Variants in IGSF21 observed in about 807,000 individuals in gnomAD.
IGSF21 encodes immunoglobulin superfamily member 21.
IGSF21 carries 28 observed loss-of-function variants against 46.8 expected under a neutral mutation model. That is an observed-to-expected ratio of 0.60 (90% confidence interval 0.44 to 0.82). IGSF21 has a LOEUF of 0.82. Ranked by LOEUF, IGSF21 falls within the 40% of genes least tolerant of loss-of-function variation. IGSF21 has a pLI of 0.00. For synonymous variants in IGSF21, 284 were observed against 273.6 expected (o/e 1.04, Z -0.38); for missense variants, 624 against 665.5 (o/e 0.94, Z 0.69).
intron 1 of IGSF21, among the ~76,000 whole-genome samples, chr1:18,190,212 C>A (rs2124475433): frequency 6.6e-6 from 1 of 152,358 alleles, no homozygotes; most frequent in Admixed American, 6.5e-5. Context: ...CTGGTCTCAG[C>A]TTCAGAGCTC....
At chr1:18,235,256 G>T (rs2084662318) in intron 2 of IGSF21, among the ~76,000 whole-genome samples, 2 of 152,210 alleles carry the variant, frequency 1.3e-5, no homozygotes, top group African/African-American at 2.4e-5. Context: ...GCTGTTCCAT[G>T]CACTCATCCA....
chr1:18,122,193 C>CTTTTTTTTTTTTTTTTT (rs766563472), intron 1 of IGSF21, among the ~76,000 whole-genome samples: 6 of 78,752 alleles, frequency 7.6e-5, no homozygotes, highest in Admixed American at 3.3e-4. Context: ...TTCTTTCTTT[C>CTTTTTTTTTTTTTTTTT]TTTTTTTTTT....
At chr1:18,263,906 T>C (rs940872746) in intron 2 of IGSF21, among the ~76,000 whole-genome samples, 2 of 152,200 alleles carry the variant, frequency 1.3e-5, no homozygotes, top group Non-Finnish European at 1.5e-5. Context: ...CTGATGCTGG[T>C]GCATTTAATA....
At chr1:18,310,111 T>C (rs56018129) in intron 3 of IGSF21, among the ~76,000 whole-genome samples, 1 of 152,136 alleles carries the variant, frequency 6.6e-6, no homozygotes, top group Non-Finnish European at 1.5e-5. Context: ...CCCAGCCTCA[T>C]GAAGGCTGAC....
intron 4 of IGSF21, among the ~76,000 whole-genome samples, chr1:18,356,147 A>C (rs2086015903): frequency 6.6e-6 from 1 of 152,138 alleles, no homozygotes; most frequent in Non-Finnish European, 1.5e-5. Flanking sequence ...GATTCTTACT[A>C]TTACTAATAC....
At chr1:18,357,314 T>G (rs2086029973) in intron 4 of IGSF21, among the ~76,000 whole-genome samples, 1 of 136,636 alleles carries the variant, frequency 7.3e-6, no homozygotes, top group African/African-American at 2.8e-5. Context: ...AGGGTGGAAA[T>G]GGGGATAAAG....
chr1:18,230,056 G>A (rs565953942), intron 2 of IGSF21, among the ~76,000 whole-genome samples: 2 of 152,310 alleles, frequency 1.3e-5, no homozygotes, highest in South Asian at 2.1e-4. Context: ...TCCTCCCTCC[G>A]GTTTGAAATC....
chr1:18,314,795 C>A (rs970328166), intron 3 of IGSF21, among the ~76,000 whole-genome samples: 2 of 152,082 alleles, frequency 1.3e-5, no homozygotes, highest in Non-Finnish European at 2.9e-5. Flanking sequence ...ATTTCTTGAG[C>A]GGTGGGAGGG....
At chr1:18,156,469 C>A (rs938454119) in intron 1 of IGSF21, among the ~76,000 whole-genome samples, 1 of 152,206 alleles carries the variant, frequency 6.6e-6, no homozygotes, top group African/African-American at 2.4e-5. Context: ...AATGCAGTCC[C>A]CTGGCTCTAA....
intron 1 of IGSF21, among the ~76,000 whole-genome samples, chr1:18,181,954 A>C (rs1470200602): frequency 1.3e-5 from 2 of 152,128 alleles, no homozygotes; most frequent in East Asian, 3.9e-4. Context: ...GAAATTAAGC[A>C]ACTTGCCCAG....
intron 1 of IGSF21, among the ~76,000 whole-genome samples, chr1:18,217,034 A>T (rs1570347799): frequency 6.6e-6 from 1 of 152,092 alleles, no homozygotes; most frequent in South Asian, 2.1e-4. Context: ...CAGCAGGGGG[A>T]GGGTGGTGCG....
chr1:18,181,337 T>C (rs1336227633), intron 1 of IGSF21, among the ~76,000 whole-genome samples: 1 of 152,200 alleles, frequency 6.6e-6, no homozygotes, highest in African/African-American at 2.4e-5. Context: ...GCTGCGACAT[T>C]GATGTGACAG....
intron 2 of IGSF21, among the ~76,000 whole-genome samples, chr1:18,236,130 C>T (rs1474365759): frequency 1.3e-5 from 2 of 152,086 alleles, no homozygotes; most frequent in African/African-American, 4.8e-5. Flanking sequence ...ATGTCCCCAC[C>T]CAAATCTCAG....
chr1:18,130,979 G>A (rs553342729), intron 1 of IGSF21, among the ~76,000 whole-genome samples: 5 of 152,342 alleles, frequency 3.3e-5, no homozygotes, highest in South Asian at 4.1e-4. Flanking sequence ...GCCTCGGGCC[G>A]GCTGATGGAG....
At chr1:18,192,733 A>C (rs1014150414) in intron 1 of IGSF21, among the ~76,000 whole-genome samples, 1 of 152,092 alleles carries the variant, frequency 6.6e-6, no homozygotes, top group Non-Finnish European at 1.5e-5. Context: ...GGTGGACAAT[A>C]GCCAGTTGCT....
intron 1 of IGSF21, among the ~76,000 whole-genome samples, chr1:18,120,285 C>T (rs1029353968): frequency 2.0e-5 from 3 of 152,212 alleles, no homozygotes; most frequent in Non-Finnish European, 4.4e-5. Context: ...GACTGCCAGA[C>T]AGCCAGGCGG....
rs191405908 is a variant in IGSF21, at chr1:18,266,003, A to G, written c.184-25863A>G. ...TTAATGCAGCCTTGATGAAGCCCGG[A>G]GACAGGGGCAAGGGGTTCTTTGCTA... On this transcript the variant is annotated intron_variant, in intron 2 of 9. Coordinates refer to ENST00000251296, the MANE Select transcript of IGSF21 (RefSeq NM_032880.5). Among the ~76,000 whole-genome samples the G allele has an allele frequency of 3.7e-4, 56 of 152,282 alleles. 1 individual carries two copies. The highest frequency in any genetic ancestry group is 1.3e-3 in the African/African-American group (54 of 41,554).
intron 1 of IGSF21, among the ~76,000 whole-genome samples, chr1:18,130,341 G>T (rs542032137): frequency 6.6e-6 from 1 of 152,306 alleles, no homozygotes; most frequent in South Asian, 2.1e-4. Context: ...CTGGGAGGAA[G>T]AGAAAAGACA....
chr1:18,329,432 A>G (rs2124601676), intron 3 of IGSF21, among the ~76,000 whole-genome samples: 1 of 152,328 alleles, frequency 6.6e-6, no homozygotes, highest in South Asian at 2.1e-4. Flanking sequence ...ACTAGAGCCC[A>G]GGGCTCTTGA....
Sources: gnomAD v4.1 joint callset for allele counts (sites outside exome capture counted in the v4.1 genomes callset) on GRCh38, gnomAD v4.1.1 for gene constraint, MANE v1.5 for transcripts, NCBI Gene and HGNC (gene_info 2026-07-23, HGNC 2026-07-21) for gene names.